FBXO24: variants seen among roughly 807,000 people sequenced by gnomAD.
FBXO24 encodes the protein F-box only protein 24.
In FBXO24, 30 loss-of-function variants were observed where a neutral mutation model predicts 63.5. The ratio of observed to expected loss-of-function variants is 0.47; its 90% CI spans 0.35 to 0.64. FBXO24 has a LOEUF of 0.64. Ranked by LOEUF, FBXO24 falls within the 30% of genes least tolerant of loss-of-function variation. The pLI, the probability that FBXO24 is intolerant of heterozygous loss-of-function variation, is 0.00. For synonymous variants in FBXO24, 300 were observed against 305.0 expected, an observed-to-expected ratio of 0.98 and a Z score of 0.17; for missense variants, 624 against 763.4, an observed-to-expected ratio of 0.82 and a Z score of 2.15.
intron 3 of FBXO24, 27 bp downstream of exon 3, chr7:100,590,384 C>T (rs757372918): frequency 1.4e-5 from 22 of 1,583,096 alleles, no homozygotes; most frequent in Non-Finnish European, 1.8e-5. Context: ...ACCTCCCGTT[C>T]TCCTTGCCTC....
chr7:100,587,702 T>A (rs915874280), intron 1 of FBXO24, among the ~76,000 whole-genome samples: 1 of 144,722 alleles, frequency 6.9e-6, no homozygotes, highest in African/African-American at 2.6e-5. Flanking sequence ...TGGGCTCAAG[T>A]GATCCTCCTG....
intron 1 of FBXO24, chr7:100,586,893 CT>C: frequency 5.4e-6 from 2 of 368,828 alleles, no homozygotes; most frequent in East Asian, 7.2e-5. Context: ...TGGCAGGGGT[CT>C]CGGGACCCCC....
At position 100,595,133 on chromosome 7, in the gene FBXO24, C is replaced by T. The variant is rs764239245; in HGVS notation, c.984C>T (p.Thr328=). The T allele has an allele frequency of 4.3e-6, 7 of 1,613,814 alleles. No homozygotes were observed. The highest frequency in any genetic ancestry group is 1.7e-5 in the Admixed American group (1 of 59,964). Residue 328 remains threonine (T), a synonymous_variant, in exon 7 of 10, where the codon ACC becomes ACT. Transcript: ENST00000241071. The part of the protein sequence containing the change: ...DQGGVYFEVH[T]PGVYRDLFGT... Reference sequence around the variant, plus strand: ...GGGGAGTGTATTTTGAGGTGCATACCCCAGGGGTGTATCGCGATCTCTTTG... The same window carrying T: ...GGGGAGTGTATTTTGAGGTGCATACTCCAGGGGTGTATCGCGATCTCTTTG...
intron 8 of FBXO24, among the ~76,000 whole-genome samples, chr7:100,598,228 GTATT>G (rs1275500959): frequency 1.3e-5 from 2 of 152,132 alleles, no homozygotes; most frequent in Admixed American, 1.3e-4. Context: ...CAATTTATGT[GTATT>G]TGTTTGTTTA....
In FBXO24 at chr7:100,590,327, C is replaced by T. The variant is rs898270332; in HGVS notation, c.292C>T (p.Arg98Trp). The T allele has an allele frequency of 3.7e-6, 6 of 1,613,728 alleles. No individual in the cohort carries two copies. The highest frequency in any genetic ancestry group is 2.2e-5 in the South Asian group (2 of 91,060). ...CCTCCAAGATCAGGGTTCTGGAGTC[C>T]GGCCCTGGAAGAGAGCTGCCATTCT... ...PRLQDQGSGV[R>W]PWKRAAILNY... Residue 98 changes from arginine (R) to tryptophan (W), a missense_variant, in exon 3 of 10, where the codon CGG becomes TGG. Arg to Trp is a moderately radical substitution (Grantham distance 101). Around this residue, in one of 3 missense-constraint regions of FBXO24, gnomAD observed 391 missense variants for 469.1 expected, o/e 0.83. Transcript: ENST00000241071.
At chr7:100,591,950 T>C in intron 4 of FBXO24, 48 bp downstream of exon 4, 1 of 1,572,088 alleles carries the variant, frequency 6.4e-7, no homozygotes, top group Non-Finnish European at 8.8e-7. Context: ...TATTAGTCCA[T>C]TTTCACACTG....
intron 8 of FBXO24, among the ~76,000 whole-genome samples, chr7:100,598,476 T>C (rs1802415876): frequency 6.6e-6 from 1 of 152,024 alleles, no homozygotes; most frequent in African/African-American, 2.4e-5. Flanking sequence ...AGCATGTCAG[T>C]AATGTAATAG....
chr7:100,592,549 G>T (rs929996301), intron 4 of FBXO24, among the ~76,000 whole-genome samples: 1 of 152,056 alleles, frequency 6.6e-6, no homozygotes, highest in Non-Finnish European at 1.5e-5. Flanking sequence ...ATGAGATTTG[G>T]GTGGGGGCAC....
Position 100,594,366 on chromosome 7 carries a change from G to A in FBXO24, c.794-17G>A. 2 of 1,609,250 alleles carry A rather than the reference G, an allele frequency of 1.2e-6. No individual in the cohort carries two copies. Among genetic ancestry groups the A allele is most frequent in the African/African-American group, 1.3e-5 (1 of 74,698 alleles). Reference sequence around the variant, plus strand: ...TGGAGAATCCCCTCCCCAACTAATTGCTTCCCCTACCCCCAGAGGAAGGAA... The same window carrying A: ...TGGAGAATCCCCTCCCCAACTAATTACTTCCCCTACCCCCAGAGGAAGGAA... On this transcript the variant is annotated splice_polypyrimidine_tract_variant and intron_variant, in intron 5 of 9. Transcript: ENST00000241071. The surrounding 1 kb of genome is among the most constrained non-coding windows in gnomAD (Gnocchi z 4.2).
At chr7:100,597,104 C>T (rs776482889) in intron 8 of FBXO24, among the ~76,000 whole-genome samples, 2 of 152,116 alleles carry the variant, frequency 1.3e-5, no homozygotes, top group African/African-American at 4.8e-5. Flanking sequence ...TAGATTCTAC[C>T]TGGGAACATG....
rs139661511 is a variant in FBXO24, at chr7:100,600,129, C to T, written c.1305C>T (p.Cys435=). 3.5e-5 allele frequency: 56 copies of T among 1,601,622 alleles called. No homozygotes were observed. Among genetic ancestry groups the T allele is most frequent in the African/African-American group, 2.4e-4 (18 of 74,798 alleles). The part of the protein sequence containing the change: ...SSEFSKELLG[C]GCGAGGRLPG... ...AGTTCAGCAAGGAGCTGCTGGGCTG[C>T]GGCTGTGGGGCTGGGGGCCGCCTCC... The change falls in exon 9 of 10, where the codon TGC becomes TGT. Residue 435 remains cysteine (C), a synonymous_variant. Transcript: ENST00000241071. This position sits in a 1 kb window ranked among gnomAD's most constrained non-coding sequence, Gnocchi z 6.3.
Position 100,594,875 on chromosome 7 carries a change from G to C in FBXO24, c.953-227G>C, listed in dbSNP as rs1387819995. On this transcript the variant is annotated intron_variant, in intron 6 of 9. Coordinates refer to ENST00000241071, the MANE Select transcript of FBXO24 (RefSeq NM_033506.3). The surrounding 1 kb of genome is among the most constrained non-coding windows in gnomAD (Gnocchi z 4.2). ...CGAGACAGGAGAATCACTTGAACCA[G>C]GAGGTAGAGGTTGCAGTGAACTGAG... 3.3e-5 allele frequency among the ~76,000 whole-genome samples: 5 copies of C among 152,200 alleles called. No homozygotes were observed. Among genetic ancestry groups the C allele is most frequent in the Admixed American group, 3.3e-4 (5 of 15,278 alleles).
chr7:100,591,288 C>T (rs1490747033), intron 3 of FBXO24, among the ~76,000 whole-genome samples: 3 of 152,002 alleles, frequency 2.0e-5, no homozygotes, highest in Non-Finnish European at 2.9e-5. Context: ...GCTGGGATTA[C>T]AGGCGTGCAA....
At position 100,600,840 on chromosome 7, in the gene FBXO24, A is replaced by G. The variant is rs774499209; in HGVS notation, c.1684A>G (p.Met562Val). Residue 562 changes from methionine (M) to valine (V), a missense_variant, in exon 10 of 10, where the codon ATG (methionine) becomes GTG (valine). Physicochemically the swap from Met to Val is conservative, Grantham distance 21 (BLOSUM62 1). Transcript: ENST00000241071. The surrounding 1 kb of genome is among the most constrained non-coding windows in gnomAD (Gnocchi z 6.3). ...QKDFFWEALDMLQRAEGGGGG... is the reference protein window; with the variant it reads ...QKDFFWEALDVLQRAEGGGGG... ...GGACTTCTTCTGGGAGGCCCTGGAC[A>G]TGCTGCAGAGGGCTGAAGGAGGCGG... The G allele has an allele frequency of 5.0e-6, 8 of 1,613,942 alleles. No individual in the cohort carries two copies. The highest frequency in any genetic ancestry group is 3.3e-5 in the Admixed American group (2 of 59,992).
rs1374940368 is a variant in FBXO24 at position 100,600,349 on chromosome 7, C to T, written c.1377+148C>T. The T allele has an allele frequency of 1.0e-5, 14 of 1,368,280 alleles. No homozygotes were observed. In the East Asian group the frequency reaches 1.5e-4, roughly 15 times the overall value. The allele number at this position is 1,368,280 out of a possible 1,614,324, so 84.8% of individuals were successfully genotyped here. ...CACCTCCCTCCTCTGCCGCACACCA[C>T]GCTCTCTGCTTTCTCCCTTAGCAGA... On this transcript the variant is annotated intron_variant, in intron 9 of 9. Coordinates refer to ENST00000241071, the MANE Select transcript of FBXO24 (RefSeq NM_033506.3). This position sits in a 1 kb window ranked among gnomAD's most constrained non-coding sequence, Gnocchi z 6.3.
Position 100,600,891 on chromosome 7 carries a change from G to A in FBXO24, c.1735G>A (p.Glu579Lys). 3 of 1,612,622 alleles carry A rather than the reference G, an allele frequency of 1.9e-6. No homozygotes were observed. The highest frequency in any genetic ancestry group is 1.7e-6 in the Non-Finnish European group (2 of 1,179,376). ...GGGGVGPPAP[E>K]T is the part of the protein sequence containing the mutation. ...GGGTGGTGTAGGGCCCCCAGCCCCT[G>A]AGACCTAATCCCCCTCATGCTAGCC... The change falls in exon 10 of 10, where the codon GAG (glutamate) becomes AAG (lysine). Residue 579 changes from glutamate (E) to lysine (K), a missense_variant. By Grantham distance (56) the Glu-to-Lys change is moderately conservative. Transcript: ENST00000241071. This position sits in a 1 kb window ranked among gnomAD's most constrained non-coding sequence, Gnocchi z 6.3.
rs545357401 is a variant in FBXO24 at position 100,590,263 on chromosome 7, A to C, written c.228A>C (p.Glu76Asp). 56 of 1,614,156 alleles carry C rather than the reference A, an allele frequency of 3.5e-5. No individual in the cohort carries two copies. Among genetic ancestry groups the C allele is most frequent in the Admixed American group, 2.8e-4 (17 of 60,022 alleles). The change falls in exon 3 of 10, where the codon GAA (glutamate) becomes GAC (aspartate). Residue 76 changes from glutamate (E) to aspartate (D), a missense_variant. Transcript: ENST00000241071. ...ACTTCCACGAAGTGTGCGATGGGGA[A>C]GGCGTGTGGAGACGCATCTGTCGCA... ...CRYFHEVCDG[E>D]GVWRRICRRL...
intron 8 of FBXO24, among the ~76,000 whole-genome samples, chr7:100,598,528 T>G (rs1802418277): frequency 6.6e-6 from 1 of 152,088 alleles, no homozygotes; most frequent in Non-Finnish European, 1.5e-5. Flanking sequence ...ATAGACTGGC[T>G]GTGGGAAGGA....
chr7:100,599,307 T>C (rs1376707335), intron 8 of FBXO24, among the ~76,000 whole-genome samples: 1 of 151,496 alleles, frequency 6.6e-6, no homozygotes, highest in Non-Finnish European at 1.5e-5. Flanking sequence ...GGCTCAGTGG[T>C]TCATGCCTGT....
Sources: gnomAD v4.1 joint callset for allele counts (sites outside exome capture counted in the v4.1 genomes callset) on GRCh38, gnomAD v4.1.1 for gene constraint, gnomAD v4.1.1 regional missense constraint, Gnocchi (gnomAD v3.1) non-coding constraint, MANE v1.5 for transcripts, NCBI Gene and HGNC (gene_info 2026-07-23, HGNC 2026-07-21) for gene names.